The following VSTM2B variants were observed in gnomAD, a reference collection of about 807,000 sequenced individuals.
The protein encoded by VSTM2B is V-set and transmembrane domain-containing protein 2B.
Under a neutral mutation model 24.0 loss-of-function variants are expected in VSTM2B, and 24 were observed. That is an observed-to-expected ratio of 1.00 (90% CI 0.72 to 1.40). The LOEUF (loss-of-function observed/expected upper bound fraction) is 1.40, where lower values mean the gene tolerates loss of function less well. Among genes scored for constraint, VSTM2B ranks in the 40% most tolerant of loss-of-function variants. The pLI, the probability that VSTM2B is intolerant of heterozygous loss-of-function variation, is 0.00. For missense variants in VSTM2B, 399 were observed against 416.4 expected (o/e 0.96, Z 0.36); for synonymous variants, 226 against 194.4 (o/e 1.16, Z -1.35).
At chr19:29,563,726 G>C (rs1003004671) in intron 4 of VSTM2B, 120 bp from the exon 5 acceptor site, 1 of 800,232 alleles carries the variant, frequency 1.2e-6, no homozygotes, top group Middle Eastern at 2.3e-4. Flanking sequence ...CCAGCCTCCA[G>C]CTGGGTGCTA....
intron 4 of VSTM2B, among the ~76,000 whole-genome samples, chr19:29,554,600 C>T (rs530035444): frequency 2.6e-5 from 4 of 152,142 alleles, no homozygotes; most frequent in East Asian, 1.9e-4. Flanking sequence ...GCTCTAAATG[C>T]CCCAATTAAA....
Position 29,527,375 on chromosome 19 carries a change from G to T in VSTM2B, c.247G>T (p.Val83Leu), listed in dbSNP as rs1273776593. The stretch of plus-strand genomic sequence containing the variant: ...GCTGCTGCACGAGCTGGCGCTCAGC[G>T]TGCCGGGCGCCCGGAGCAAGGTAAC... ...RELLHELALS[V>L]PGARSKVTNK... is the part of the protein sequence containing the mutation. The change falls in exon 2 of 5, where the codon GTG (valine) becomes TTG (leucine). Residue 83 changes from valine to leucine, a missense_variant. Transcript: ENST00000335523. 1.3e-6 allele frequency: 2 copies of T among 1,540,702 alleles called. No homozygotes were observed. The highest frequency in any genetic ancestry group is 2.0e-5 in the Admixed American group (1 of 50,548).
Position 29,530,701 on chromosome 19 carries a change from G to T in VSTM2B, c.769+411G>T, listed in dbSNP as rs188398322. Among the ~76,000 whole-genome samples the T allele has an allele frequency of 2.5e-3, 377 of 152,296 alleles. 2 individuals are homozygous for T. Among genetic ancestry groups the T allele is most frequent in the African/African-American group, 8.6e-3 (359 of 41,574 alleles). Reference sequence around the variant, plus strand: ...TCCCCAGATGGGGGCACTGGCACCTGCTGGAGAGCGGGAGGCGGTTAAAAC... The same window carrying T: ...TCCCCAGATGGGGGCACTGGCACCTTCTGGAGAGCGGGAGGCGGTTAAAAC... On this transcript the variant is annotated intron_variant, in intron 4 of 4. Coordinates refer to ENST00000335523, the MANE Select transcript of VSTM2B (RefSeq NM_001146339.2).
At chr19:29,563,508 G>A (rs1484895039) in intron 4 of VSTM2B, among the ~76,000 whole-genome samples, 1 of 152,084 alleles carries the variant, frequency 6.6e-6, no homozygotes, top group Admixed American at 6.6e-5. Flanking sequence ...CTCCCAAAGT[G>A]TTGGGATTAC....
chr19:29,547,567 G>A (rs1414936616), intron 4 of VSTM2B, among the ~76,000 whole-genome samples: 3 of 152,186 alleles, frequency 2.0e-5, no homozygotes, highest in Non-Finnish European at 4.4e-5. Context: ...GGGGCTGCTT[G>A]CTGGGGGCTG....
intron 4 of VSTM2B, among the ~76,000 whole-genome samples, chr19:29,545,999 G>T (rs553185168): frequency 1.6e-4 from 25 of 152,286 alleles, no homozygotes; most frequent in South Asian, 4.2e-4. Flanking sequence ...CCCCGCCCAG[G>T]TGAGAGCTGA....
intron 2 of VSTM2B, 70 bp downstream of exon 2, chr19:29,527,465 G>T (rs1379485396): frequency 1.5e-6 from 2 of 1,342,612 alleles, no homozygotes; most frequent in East Asian, 5.7e-5. Flanking sequence ...CTAACCCAGG[G>T]AGGGAAGCAG....
In VSTM2B at chr19:29,527,336, G is replaced by A. The variant is rs1477814923; in HGVS notation, c.208G>A (p.Glu70Lys). ...GGAGATTCAGTGGTGGTACCTCAAG[G>A]AGCCACCCCGGGAGCTGCTGCACGA... ...SLEIQWWYLK[E>K]PPRELLHELA... The change falls in exon 2 of 5, where the codon GAG (glutamate) becomes AAG (lysine). Residue 70 changes from glutamate to lysine, a missense_variant. By Grantham distance (56) the Glu-to-Lys change is moderately conservative. Transcript: ENST00000335523. 4.5e-6 allele frequency: 7 copies of A among 1,548,968 alleles called. No individual in the cohort carries two copies. The highest frequency in any genetic ancestry group is 6.1e-6 in the Non-Finnish European group (7 of 1,146,456).
intron 4 of VSTM2B, among the ~76,000 whole-genome samples, chr19:29,546,610 C>A (rs1368062730): frequency 6.6e-6 from 1 of 152,222 alleles, no homozygotes; most frequent in Non-Finnish European, 1.5e-5. Context: ...GGGCAGGGGC[C>A]CCTCAGGTGA....
chr19:29,525,481 GGCGCTGT>G (rs1969534442), upstream of VSTM2B: 1 of 152,082 alleles, frequency 6.6e-6, no homozygotes, highest in Non-Finnish European at 1.5e-5. Flanking sequence ...CTGCTCGCTG[GGCGCTGT>G]GCGCTCACTT....
chr19:29,546,235 G>T (rs1970151490), intron 4 of VSTM2B, among the ~76,000 whole-genome samples: 1 of 152,210 alleles, frequency 6.6e-6, no homozygotes, highest in Non-Finnish European at 1.5e-5. Flanking sequence ...CTGGGTGCAT[G>T]CAGCCCCCAG....
intron 4 of VSTM2B, among the ~76,000 whole-genome samples, chr19:29,554,556 T>C (rs1208770358): frequency 6.6e-6 from 1 of 152,188 alleles, no homozygotes; most frequent in African/African-American, 2.4e-5. Flanking sequence ...CAGGATCAAA[T>C]GCACACATAA....
intron 4 of VSTM2B, among the ~76,000 whole-genome samples, chr19:29,544,383 G>A (rs145551938): frequency 1.4e-4 from 21 of 151,402 alleles, no homozygotes; most frequent in South Asian, 6.3e-4. Flanking sequence ...AAAATTAGCC[G>A]GGCTTGGTGG....
chr19:29,556,106 A>AC (rs962555409), intron 4 of VSTM2B, among the ~76,000 whole-genome samples: 2 of 151,892 alleles, frequency 1.3e-5, no homozygotes, highest in Non-Finnish European at 2.9e-5. Context: ...ATACAAAAAA[A>AC]AAAAAAGAAA....
chr19:29,536,646 C>G (rs1969897378), intron 4 of VSTM2B, among the ~76,000 whole-genome samples: 1 of 152,208 alleles, frequency 6.6e-6, no homozygotes, highest in South Asian at 2.1e-4. Flanking sequence ...CTGCTTCAGT[C>G]CGTCCCCCAG....
intron 4 of VSTM2B, among the ~76,000 whole-genome samples, chr19:29,530,819 T>C (rs985623433): frequency 2.0e-5 from 3 of 152,132 alleles, no homozygotes; most frequent in Non-Finnish European, 2.9e-5. Context: ...ACGCCCTCTT[T>C]GGCTAAATGC....
intron 4 of VSTM2B, among the ~76,000 whole-genome samples, chr19:29,534,738 G>GA (rs1327918904): frequency 6.6e-6 from 1 of 150,806 alleles, no homozygotes; most frequent in East Asian, 1.9e-4. Context: ...AAGAAAGAAA[G>GA]AAAGAAAAGA....
intron 4 of VSTM2B, among the ~76,000 whole-genome samples, chr19:29,538,226 G>GTCCA: frequency 6.6e-6 from 1 of 152,262 alleles, no homozygotes; most frequent in Admixed American, 6.5e-5. Flanking sequence ...GGAATCTTGA[G>GTCCA]TCCATCACTT....
At chr19:29,553,724 C>T (rs927235051) in intron 4 of VSTM2B, among the ~76,000 whole-genome samples, 2 of 152,230 alleles carry the variant, frequency 1.3e-5, no homozygotes, top group South Asian at 4.2e-4. Context: ...TAGAGAGGAA[C>T]CGAAATGACC....
Sources: gnomAD v4.1 joint callset for allele counts (sites outside exome capture counted in the v4.1 genomes callset) on GRCh38, gnomAD v4.1.1 for gene constraint, MANE v1.5 for transcripts, NCBI Gene and HGNC (gene_info 2026-07-23, HGNC 2026-07-21) for gene names.